The following MARCHF10 variants were observed in gnomAD, a reference collection of about 807,000 sequenced individuals.
The protein encoded by MARCHF10 is membrane associated ring-CH-type finger 10.
In MARCHF10, 64 loss-of-function variants were observed where a neutral mutation model predicts 76.2. The observed-to-expected ratio is 0.84, with a 90% CI of 0.69 to 1.03. MARCHF10 has a LOEUF of 1.03. Ranked by LOEUF, MARCHF10 falls within the 50% of genes least tolerant of loss-of-function variation. The probability of loss-of-function intolerance (pLI) is 0.00; values close to 1 mark genes in which losing one functional copy is unlikely to be tolerated. For synonymous variants in MARCHF10, 340 were observed against 357.5 expected (o/e 0.95, Z 0.55); for missense variants, 875 against 958.0 (o/e 0.91, Z 1.14).
chr17:62,762,243 A>G (rs1339734249), intron 3 of MARCHF10, among the ~76,000 whole-genome samples: 1 of 152,212 alleles, frequency 6.6e-6, no homozygotes, highest in African/African-American at 2.4e-5. Flanking sequence ...TGAAGAGGTG[A>G]AAGCTTGGCC....
At chr17:62,706,908 T>G (rs932018824) in intron 9 of MARCHF10, among the ~76,000 whole-genome samples, 1 of 152,106 alleles carries the variant, frequency 6.6e-6, no homozygotes, top group African/African-American at 2.4e-5. Context: ...GCAGGGCCAT[T>G]TAGCTTCACC....
At chr17:62,795,571 A>T (rs1280287693) in intron 2 of MARCHF10, among the ~76,000 whole-genome samples, 1 of 152,170 alleles carries the variant, frequency 6.6e-6, no homozygotes, top group Non-Finnish European at 1.5e-5. Flanking sequence ...ACTCAGGGCG[A>T]GGTTAGCCCT....
intron 10 of MARCHF10, 42 bp from the exon 11 acceptor site, chr17:62,701,800 G>T: frequency 6.2e-7 from 1 of 1,613,140 alleles, no homozygotes; most frequent in South Asian, 1.1e-5. Flanking sequence ...GGCCGCAGCA[G>T]ACCGTGGGTC....
intron 4 of MARCHF10, among the ~76,000 whole-genome samples, chr17:62,754,273 A>G (rs964550119): frequency 9.9e-5 from 15 of 152,148 alleles, no homozygotes; most frequent in Non-Finnish European, 5.9e-5. Flanking sequence ...GGGTTTCACC[A>G]TGTTGGCCAG....
At chr17:62,775,511 G>GGA (rs1199221434) in intron 3 of MARCHF10, among the ~76,000 whole-genome samples, 1 of 151,868 alleles carries the variant, frequency 6.6e-6, no homozygotes, top group African/African-American at 2.4e-5. Flanking sequence ...GCCACTCGGG[G>GGA]GGGGGCGTGG....
rs537147556 is a variant in MARCHF10 at position 62,712,281 on chromosome 17, C to T, written c.2215-937G>A. The stretch of plus-strand genomic sequence containing the variant: ...CCCCAGCAGAGGGCATGGCCCCTTC[C>T]GTCACCCTTGGGAAAGCTTGCAACT... On this transcript the variant is annotated intron_variant, in intron 8 of 10. Coordinates refer to ENST00000311269, the MANE Select transcript of MARCHF10 (RefSeq NM_152598.4). This position sits in a 1 kb window ranked among gnomAD's most constrained non-coding sequence, Gnocchi z 4.2. Among the ~76,000 whole-genome samples, 10 of 152,244 alleles carry T rather than the reference C, an allele frequency of 6.6e-5. No homozygotes were observed. The highest frequency in any genetic ancestry group is 1.3e-4 in the Admixed American group (2 of 15,282).
chr17:62,761,034 A>T (rs992593168), intron 3 of MARCHF10, among the ~76,000 whole-genome samples: 1 of 152,188 alleles, frequency 6.6e-6, no homozygotes, highest in Non-Finnish European at 1.5e-5. Flanking sequence ...TGGCATTTTC[A>T]TTTCACAGGC....
At chr17:62,776,406 C>T (rs1027646843) in intron 3 of MARCHF10, among the ~76,000 whole-genome samples, 37 of 152,114 alleles carry the variant, frequency 2.4e-4, no homozygotes, top group African/African-American at 8.5e-4. Flanking sequence ...CTTGCCTGTG[C>T]GTTGAAAAAG....
In MARCHF10 at chr17:62,795,356, C is replaced by CAAA. The variant is rs61564298; in HGVS notation, c.90+6287_90+6289dup. 8.5e-4 allele frequency among the ~76,000 whole-genome samples: 45 copies of CAAA among 52,948 alleles called. 1 individual carries two copies. Among genetic ancestry groups the CAAA allele is most frequent in the African/African-American group, 2.6e-3 (37 of 14,250 alleles). 34.7% of individuals were successfully genotyped at this position (52,948 alleles called of 152,430 possible). The stretch of plus-strand genomic sequence containing the variant: ...CCTCCAGTTACATAAATCATTTGAT[C>CAAA]AAAAAAAAAAAAAAAAAAAAAAAAA... On this transcript the variant is annotated intron_variant, in intron 2 of 10. Coordinates refer to ENST00000311269, the MANE Select transcript of MARCHF10 (RefSeq NM_152598.4).
rs146939138 is a variant in MARCHF10, at chr17:62,725,017, C to T, written c.2025G>A (p.Glu675=). 2 of 1,610,608 alleles carry T rather than the reference C, an allele frequency of 1.2e-6. No individual in the cohort carries two copies. The highest frequency in any genetic ancestry group is 2.7e-5 in the African/African-American group (2 of 74,840). ...GCAGGCTTCCCACACAGCCGCAAGG[C>T]TCCAGGAGGGGGTTGCTTGGGGAAC... ...AGGSPSNPLL[E]PCGCVGSLQF... The change falls in exon 7 of 11, where the codon GAG becomes GAA. Residue 675 remains glutamate, a synonymous_variant. Coordinates refer to ENST00000311269, the MANE Select transcript of MARCHF10 (RefSeq NM_152598.4).
chr17:62,711,965 T>A lies in MARCHF10; in HGVS notation c.2215-621A>T, dbSNP rs1444949695. On this transcript the variant is annotated intron_variant, in intron 8 of 10. Transcript: ENST00000311269. The surrounding 1 kb of genome is among the most constrained non-coding windows in gnomAD (Gnocchi z 4.4). The stretch of plus-strand genomic sequence containing the variant: ...TTCTCTTGAGGAGTGGGCTGTGCTT[T>A]TTTTCTCGCTGGTGCTCAGAACAGG... Among the ~76,000 whole-genome samples, 1 of 152,212 alleles carries A rather than the reference T, an allele frequency of 6.6e-6. No individual in the cohort carries two copies. Among genetic ancestry groups the A allele is most frequent in the East Asian group, 1.9e-4 (1 of 5,188 alleles).
At chr17:62,771,840 GTGC>G (rs1399563804) in intron 3 of MARCHF10, among the ~76,000 whole-genome samples, 1 of 152,018 alleles carries the variant, frequency 6.6e-6, no homozygotes, top group African/African-American at 2.4e-5. Context: ...GCCTCCCAAA[GTGC>G]TGGGATTACA....
rs1465158030 is a variant in MARCHF10 at position 62,724,940 on chromosome 17, G to C, written c.2102C>G (p.Ser701Ter). 2 of 1,611,400 alleles carry C rather than the reference G, an allele frequency of 1.2e-6. No individual in the cohort carries two copies. Among genetic ancestry groups the C allele is most frequent in the Non-Finnish European group, 1.7e-6 (2 of 1,179,090 alleles). ...LKKWLKVKIT[S>*]GADLGAVKTC... ...ACTGCACTTCCTTCCCCACCTACCTGATGTTATTTTCACTTTCAGCCACTT... is the reference window on the plus strand; with the variant it reads ...ACTGCACTTCCTTCCCCACCTACCTCATGTTATTTTCACTTTCAGCCACTT... The change falls in exon 7 of 11, where the codon TCA becomes TGA. Residue 701 changes from serine (S) to a stop codon, truncating the protein, a stop_gained and splice_region_variant. Transcript: ENST00000311269. LOFTEE classifies it high-confidence loss of function.
At chr17:62,771,867 A>ACCC (rs1347521120) in intron 3 of MARCHF10, among the ~76,000 whole-genome samples, 7 of 151,850 alleles carry the variant, frequency 4.6e-5, no homozygotes, top group Non-Finnish European at 7.4e-5. Context: ...GCAAGCCACC[A>ACCC]CCCCCAGCCT....
chr17:62,702,771 C>G (rs1251263091), intron 10 of MARCHF10, among the ~76,000 whole-genome samples: 3 of 152,192 alleles, frequency 2.0e-5, no homozygotes, highest in Admixed American at 1.3e-4. Context: ...TCAATCCTAC[C>G]TGGACCCTCT....
chr17:62,766,112 C>T (rs563028357), intron 3 of MARCHF10, among the ~76,000 whole-genome samples: 191 of 152,120 alleles, frequency 1.3e-3, no homozygotes, highest in Non-Finnish European at 2.4e-3. Context: ...AGAAGGATTG[C>T]CCACGCCTAG....
At chr17:62,731,116 C>T (rs1381506864) in intron 6 of MARCHF10, among the ~76,000 whole-genome samples, 1 of 151,794 alleles carries the variant, frequency 6.6e-6, no homozygotes, top group African/African-American at 2.4e-5. Flanking sequence ...AAGCATGGCA[C>T]CAAATGTGAA....
At chr17:62,746,698 C>G (rs1221396293) in intron 4 of MARCHF10, among the ~76,000 whole-genome samples, 1 of 152,160 alleles carries the variant, frequency 6.6e-6, no homozygotes, top group Non-Finnish European at 1.5e-5. Context: ...AGGCGTGGGG[C>G]TCAGGCCAAG....
intron 3 of MARCHF10, 133 bp from the exon 4 acceptor site, chr17:62,760,139 G>T (rs772245342): frequency 1.4e-5 from 10 of 689,734 alleles, no homozygotes; most frequent in African/African-American, 5.4e-5. Flanking sequence ...AGGTCAACAC[G>T]CCCGTTCACC....
Sources: allele counts gnomAD v4.1 joint callset (sites outside exome capture counted in the v4.1 genomes callset), GRCh38; gene constraint gnomAD v4.1.1; non-coding constraint Gnocchi (gnomAD v3.1); transcripts MANE v1.5; gene names NCBI Gene and HGNC (gene_info 2026-07-23, HGNC 2026-07-21).